The following ZNF717 variants were observed in gnomAD, a reference collection of about 807,000 sequenced individuals.
ZNF717 encodes krueppel-like factor X17.
ZNF717 carries 9 observed loss-of-function variants against 13.8 expected under a neutral mutation model. The ratio of observed to expected loss-of-function variants is 0.65; its 90% CI spans 0.39 to 1.14. ZNF717 has a LOEUF of 1.14. Ranked by LOEUF, ZNF717 falls within the 50% of genes most tolerant of loss-of-function variation. The pLI, the probability that ZNF717 is intolerant of heterozygous loss-of-function variation, is 0.01. For missense variants in ZNF717, 1,040 were observed against 1,080.7 expected, an observed-to-expected ratio of 0.96 and a Z score of 0.53; for synonymous variants, 327 against 364.1, an observed-to-expected ratio of 0.90 and a Z score of 1.16.
At chr3:75,765,035 A>G (rs189144265) in intron 2 of ZNF717, among the ~76,000 whole-genome samples, 3,189 of 79,742 alleles carry the variant, frequency 0.04, 83 homozygotes, top group African/African-American at 0.076. Flanking sequence ...ATATATGTAT[A>G]TGTGTGTGTG....
At chr3:75,754,735 GTAA>G (rs1942322324) in intron 2 of ZNF717, among the ~76,000 whole-genome samples, 1 of 152,030 alleles carries the variant, frequency 6.6e-6, no homozygotes, top group South Asian at 2.1e-4. Flanking sequence ...GTGAAACAGG[GTAA>G]TGAGAATACC....
chr3:75,720,980 TATC>T (rs1245413178), intron 4 of ZNF717, among the ~76,000 whole-genome samples: 6 of 152,198 alleles, frequency 3.9e-5, no homozygotes, highest in African/African-American at 1.4e-4. Flanking sequence ...CAATAATAAA[TATC>T]AACTAATTGC....
chr3:75,736,416 T>C lies in ZNF717; in HGVS notation c.*462A>G, dbSNP rs1939214988. On this transcript the variant is annotated 3_prime_UTR_variant, in exon 5 of 5. Coordinates refer to ENST00000652011, the MANE Select transcript of ZNF717 (RefSeq NM_001290208.3). ...CAAGTTGTGAATGCAAAGAAAAAGT[T>C]CTTGAAGGATGTTATAGGTGCTACT... 6.4e-6 allele frequency: 1 copy of C among 156,658 alleles called. No individual in the cohort carries two copies. Among genetic ancestry groups the C allele is most frequent in the Non-Finnish European group, 1.4e-5 (1 of 71,104 alleles). 9.7% of individuals were successfully genotyped at this position (156,658 alleles called of 1,614,324 possible).
At position 75,738,809 on chromosome 3, in the gene ZNF717, T is replaced by C. The variant is rs1939908097; in HGVS notation, c.814A>G (p.Lys272Glu). The change falls in exon 5 of 5, where the codon AAA becomes GAA. Residue 272 changes from lysine (K) to glutamate (E), a missense_variant. Coordinates refer to ENST00000652011, the MANE Select transcript of ZNF717 (RefSeq NM_001290208.3). Reference protein sequence around the residue: ...PTCCRKSDFTKHQQTHTGEKP... With the variant: ...PTCCRKSDFTEHQQTHTGEKP... ...TCTCCTGTGTGTGTCTGCTGATGTT[T>C]AGTGAAGTCAGACTTTCTACAGCAA... The C allele has an allele frequency of 6.4e-7, 1 of 1,552,596 alleles. No homozygotes were observed. Among genetic ancestry groups the C allele is most frequent in the Non-Finnish European group, 8.7e-7 (1 of 1,147,628 alleles).
chr3:75,721,965 T>C (rs1317140634), intron 4 of ZNF717, among the ~76,000 whole-genome samples: 1 of 152,008 alleles, frequency 6.6e-6, no homozygotes, highest in African/African-American at 2.4e-5. Context: ...TAGTAAATAT[T>C]TGCCGGGTGC....
intron 2 of ZNF717, among the ~76,000 whole-genome samples, chr3:75,762,089 G>C (rs1403238823): frequency 1.7e-5 from 2 of 117,378 alleles, no homozygotes; most frequent in Non-Finnish European, 3.8e-5. Context: ...GAGAGAGAAA[G>C]AAAAGAAAAA....
At chr3:75,700,073 G>A (rs1367231418) in intron 6 of ZNF717, among the ~76,000 whole-genome samples, 2 of 152,288 alleles carry the variant, frequency 1.3e-5, no homozygotes, top group East Asian at 1.9e-4. Flanking sequence ...ACAATCCAAA[G>A]CAATCTATAC....
In ZNF717 at chr3:75,737,732, T is replaced by C; in HGVS notation, c.1891A>G (p.Lys631Glu). 2 of 1,546,432 alleles carry C rather than the reference T, an allele frequency of 1.3e-6. No homozygotes were observed. Among genetic ancestry groups the C allele is most frequent in the Non-Finnish European group, 1.7e-6 (2 of 1,143,114 alleles). Residue 631 changes from lysine (K) to glutamate (E), a missense_variant, in exon 5 of 5, where the codon AAG (lysine) becomes GAG (glutamate). This residue lies in a region of ZNF717 where 873 missense variants were observed against 832.8 expected (regional missense o/e 1.05). Transcript: ENST00000652011. ...CCCTGATGGGTGCTGAGATTTGACT[T>C]CTGACGAAAGGTTTTTCCACATTCA... Reference protein sequence around the residue: ...CNECGKTFRQKSNLSTHQGTH... With the variant: ...CNECGKTFRQESNLSTHQGTH...
intron 4 of ZNF717, among the ~76,000 whole-genome samples, chr3:75,721,970 G>T (rs1215146823): frequency 6.6e-6 from 1 of 151,824 alleles, no homozygotes; most frequent in Non-Finnish European, 1.5e-5. Flanking sequence ...AATATTTGCC[G>T]GGTGCGGTGG....
chr3:75,702,419 A>T (rs1362009779), intron 6 of ZNF717, among the ~76,000 whole-genome samples: 4 of 152,304 alleles, frequency 2.6e-5, no homozygotes, highest in African/African-American at 9.6e-5. Flanking sequence ...CTAACATTCA[A>T]AACAATAGGT....
At chr3:75,763,777 A>G (rs201778552) in intron 2 of ZNF717, among the ~76,000 whole-genome samples, 1,720 of 147,524 alleles carry the variant, frequency 0.012, no homozygotes, top group South Asian at 0.075. Context: ...AAGAAAACAG[A>G]AAAACAATCA....
intron 4 of ZNF717, among the ~76,000 whole-genome samples, chr3:75,723,306 G>A (rs1251976519): frequency 1.5e-5 from 2 of 137,124 alleles, no homozygotes; most frequent in Non-Finnish European, 1.5e-5. Flanking sequence ...CTGGAGTGCA[G>A]TGGTGCAATC....
intron 2 of ZNF717, among the ~76,000 whole-genome samples, chr3:75,767,263 C>CTCCAGCA (rs1943551944): frequency 3.2e-4 from 49 of 151,236 alleles, no homozygotes; most frequent in South Asian, 8.4e-4. Flanking sequence ...ACTAGTGAGC[C>CTCCAGCA]ACCCTGCACA....
At chr3:75,727,732 T>A (rs1221636620), downstream of ZNF717, among the ~76,000 whole-genome samples, 1 of 152,312 alleles carries the variant, frequency 6.6e-6, no homozygotes, top group South Asian at 2.1e-4. Flanking sequence ...CAGACCCTCA[T>A]CAGTGGTTCT....
intron 4 of ZNF717, among the ~76,000 whole-genome samples, chr3:75,721,341 G>A (rs1360612532): frequency 6.6e-6 from 1 of 152,172 alleles, no homozygotes; most frequent in Non-Finnish European, 1.5e-5. Flanking sequence ...GATTGCAGTC[G>A]CACGATCTCA....
At chr3:75,699,659 CTG>C in intron 6 of ZNF717, among the ~76,000 whole-genome samples, 1 of 152,416 alleles carries the variant, frequency 6.6e-6, no homozygotes. Flanking sequence ...GCTATGCTTT[CTG>C]TATACCCTGT....
chr3:75,759,251 G>C (rs190237707), intron 2 of ZNF717, among the ~76,000 whole-genome samples: 271 of 151,362 alleles, frequency 1.8e-3, no homozygotes, highest in African/African-American at 5.9e-3. Context: ...ACTTAAGAGG[G>C]TATATTTTAG....
At chr3:75,742,608 C>T (rs1281896201) in intron 2 of ZNF717, among the ~76,000 whole-genome samples, 16 of 152,166 alleles carry the variant, frequency 1.1e-4, no homozygotes, top group Admixed American at 1.0e-3. Context: ...AAAGAGAACA[C>T]ACACCACTTT....
At chr3:75,709,867 T>C (rs1575715458) in exon 6 of ZNF717, 1 of 152,304 alleles carries the variant, frequency 6.6e-6, no homozygotes, top group African/African-American at 2.4e-5. Context: ...ATCTTTAAGT[T>C]TGGTTTTGAT....
Sources: gnomAD v4.1 joint callset for allele counts (sites outside exome capture counted in the v4.1 genomes callset) on GRCh38, gnomAD v4.1.1 for gene constraint, gnomAD v4.1.1 regional missense constraint, MANE v1.5 for transcripts, NCBI Gene and HGNC (gene_info 2026-07-23, HGNC 2026-07-21) for gene names.